The following DNAH7 variants were observed in gnomAD, a reference collection of about 807,000 sequenced individuals.
DNAH7 encodes axonemal beta dynein heavy chain 7.
A neutral mutation model predicts 444.6 loss-of-function variants in DNAH7; 397 were observed. The ratio of observed to expected loss-of-function variants is 0.89; its 90% CI spans 0.82 to 0.97. The LOEUF (loss-of-function observed/expected upper bound fraction) is 0.97, where lower values mean the gene tolerates loss of function less well. DNAH7 is among the 50% of genes least tolerant of loss of function. DNAH7 has a pLI of 0.00. For synonymous variants in DNAH7, 1,636 were observed against 1,624.4 expected, an observed-to-expected ratio of 1.01 and a Z score of -0.17; for missense variants, 4,902 against 4,800.8, an observed-to-expected ratio of 1.02 and a Z score of -0.62.
At chr2:195,942,195 C>A (rs538934708) in intron 19 of DNAH7, among the ~76,000 whole-genome samples, 4 of 151,902 alleles carry the variant, frequency 2.6e-5, no homozygotes, top group African/African-American at 9.7e-5. Context: ...ATAGGATGTT[C>A]GATGTGAGCC....
intron 1 of DNAH7, among the ~76,000 whole-genome samples, chr2:196,060,142 C>A (rs1020614529): frequency 2.6e-5 from 4 of 152,070 alleles, no homozygotes; most frequent in African/African-American, 9.7e-5. Flanking sequence ...GGTGTGAACC[C>A]AGGAGGCAGA....
Position 195,816,818 on chromosome 2 carries a change from C to G in DNAH7, c.9571G>C (p.Glu3191Gln), listed in dbSNP as rs146529976. 379 of 1,614,126 alleles carry G rather than the reference C, an allele frequency of 2.3e-4. No homozygotes were observed. Among genetic ancestry groups the G allele is most frequent in the Admixed American group, 1.5e-3 (93 of 60,016 alleles). Residue 3191 changes from glutamate (E) to glutamine (Q), a missense_variant, in exon 51 of 65, where the codon GAG (glutamate) becomes CAG (glutamine). By Grantham distance (29) the Glu-to-Gln change is conservative (BLOSUM62 2). Transcript: ENST00000312428. ...GTGGTGTCAATCTTTTTCTCTGTCT[C>G]TTCGGCTACTTCCTGCTTCTGAGAA... ...EISQKQEVAE[E>Q]TEKKIDTTRM...
chr2:195,864,807 T>C lies in DNAH7; in HGVS notation c.6848A>G (p.Tyr2283Cys). The change falls in exon 41 of 65, where the codon TAC becomes TGC. Residue 2283 changes from tyrosine to cysteine, a missense_variant. Transcript: ENST00000312428. ...ATTATCCACATCTGCGATTTCTCTG[T>C]AGTTGGTATCCTCCCTCTTGGGATC... ...FHDPKREDTN[Y>C]REIADVDNLR... The C allele has an allele frequency of 6.2e-7, 1 of 1,614,228 alleles. No individual in the cohort carries two copies. Among genetic ancestry groups the C allele is most frequent in the Non-Finnish European group, 8.5e-7 (1 of 1,180,032 alleles).
intron 51 of DNAH7, among the ~76,000 whole-genome samples, chr2:195,812,099 G>A (rs1471144786): frequency 6.6e-6 from 1 of 151,962 alleles, no homozygotes; most frequent in Admixed American, 6.6e-5. Flanking sequence ...CAACTCCTCT[G>A]GCAGTCCCCA....
chr2:195,861,740 T>C lies in DNAH7; in HGVS notation c.7713A>G (p.Lys2571=). The change falls in exon 42 of 65, where the codon AAA becomes AAG. Residue 2571 remains lysine (K), a synonymous_variant. Coordinates refer to ENST00000312428, the MANE Select transcript of DNAH7 (RefSeq NM_018897.3). ...TSYLELISTF[K]LLLEKKRSEV... Reference sequence around the variant, plus strand: ...ACCTTCTTTTCTTTTCTAACAACAGTTTGAAGGTGGAGATTAATTCGAGGT... The same window carrying C: ...ACCTTCTTTTCTTTTCTAACAACAGCTTGAAGGTGGAGATTAATTCGAGGT... 6.2e-7 allele frequency: 1 copy of C among 1,611,914 alleles called. No individual in the cohort carries two copies. Among genetic ancestry groups the C allele is most frequent in the Middle Eastern group, 1.7e-4 (1 of 6,056 alleles).
chr2:196,004,240 C>T (rs945792227), intron 10 of DNAH7, among the ~76,000 whole-genome samples: 2 of 152,132 alleles, frequency 1.3e-5, no homozygotes, highest in African/African-American at 4.8e-5. Context: ...AAAAAGAAAG[C>T]TACCAGAGAC....
At chr2:195,952,393 C>T (rs569110102) in intron 19 of DNAH7, among the ~76,000 whole-genome samples, 5 of 152,164 alleles carry the variant, frequency 3.3e-5, no homozygotes, top group South Asian at 4.2e-4. Flanking sequence ...GTGAATCTGA[C>T]GACTATGTGT....
At chr2:195,914,574 T>C (rs1002011174) in intron 24 of DNAH7, among the ~76,000 whole-genome samples, 4 of 152,260 alleles carry the variant, frequency 2.6e-5, no homozygotes, top group African/African-American at 9.6e-5. Context: ...CATTTGATGC[T>C]TCATAAATAA....
At chr2:195,790,341 G>C (rs1043543250) in intron 57 of DNAH7, among the ~76,000 whole-genome samples, 2 of 151,056 alleles carry the variant, frequency 1.3e-5, no homozygotes, top group Non-Finnish European at 2.9e-5. Context: ...AACTCATAAA[G>C]AACCAAAAAC....
Position 195,888,918 on chromosome 2 carries a change from T to C in DNAH7, c.5110A>G (p.Asn1704Asp), listed in dbSNP as rs1484389536. The change falls in exon 32 of 65, where the codon AAC becomes GAC. Residue 1704 changes from asparagine to aspartate, a missense_variant. Transcript: ENST00000312428. The stretch of plus-strand genomic sequence containing the variant: ...TTCTTGTTGTCATCCAGCACAGTGT[T>C]CATATTCTCAATCCACACTGCATCT... Reference protein sequence around the residue: ...PVDAVWIENMNTVLDDNKKLC... With the variant: ...PVDAVWIENMDTVLDDNKKLC... The C allele has an allele frequency of 1.2e-6, 2 of 1,613,908 alleles. No homozygotes were observed. Among genetic ancestry groups the C allele is most frequent in the Non-Finnish European group, 1.7e-6 (2 of 1,179,962 alleles).
intron 61 of DNAH7, among the ~76,000 whole-genome samples, chr2:195,758,228 T>C (rs147914777): frequency 8.5e-5 from 13 of 152,352 alleles, no homozygotes; most frequent in African/African-American, 3.1e-4. Context: ...ATTGTGTTCA[T>C]TCAACATGAT....
Position 196,068,726 on chromosome 2 carries a change from G to A in DNAH7, c.-15C>T. 2 of 1,551,002 alleles carry A rather than the reference G, an allele frequency of 1.3e-6. No individual in the cohort carries two copies. The highest frequency in any genetic ancestry group is 8.7e-7 in the Non-Finnish European group (1 of 1,147,276). On this transcript the variant is annotated 5_prime_UTR_variant, in exon 1 of 65. Coordinates refer to ENST00000312428, the MANE Select transcript of DNAH7 (RefSeq NM_018897.3). ...TCACTGCTCATGGCTGCGAGGACGC[G>A]CTGGCCTCACCGGTGCTTCTGGGTT...
At chr2:196,008,530 T>C (rs1199744723) in intron 10 of DNAH7, among the ~76,000 whole-genome samples, 5 of 152,220 alleles carry the variant, frequency 3.3e-5, no homozygotes, top group African/African-American at 1.2e-4. Context: ...ACCTGATGAC[T>C]GGATGAATAA....
intron 60 of DNAH7, among the ~76,000 whole-genome samples, chr2:195,773,272 C>T (rs998097714): frequency 7.2e-5 from 11 of 151,830 alleles, no homozygotes; most frequent in Admixed American, 2.0e-4. Flanking sequence ...TCATAGAGAA[C>T]GAAAAGTATT....
At chr2:195,923,009 G>A (rs538213030) in intron 23 of DNAH7, among the ~76,000 whole-genome samples, 6 of 151,994 alleles carry the variant, frequency 3.9e-5, no homozygotes, top group East Asian at 3.9e-4. Flanking sequence ...CTACAAGCAC[G>A]CCCCACCATG....
rs764234060 is a variant in DNAH7 at position 195,816,364 on chromosome 2, T to C, written c.9761+264A>G. On this transcript the variant is annotated intron_variant, in intron 51 of 64. Coordinates refer to ENST00000312428, the MANE Select transcript of DNAH7 (RefSeq NM_018897.3). ...TCCATTCATAAATATATTTTGCAGA[T>C]GAAAAATAAGGTAAACGTTTTCTCT... 2.0e-4 allele frequency among the ~76,000 whole-genome samples: 30 copies of C among 152,218 alleles called. 1 individual carries two copies. The highest frequency in any genetic ancestry group is 8.3e-4 in the South Asian group (4 of 4,828).
intron 54 of DNAH7, among the ~76,000 whole-genome samples, chr2:195,803,003 A>C (rs1000023675): frequency 6.6e-6 from 1 of 152,216 alleles, no homozygotes; most frequent in Non-Finnish European, 1.5e-5. Context: ...AATGTTTCAG[A>C]TATTTTGAAT....
At chr2:195,817,056 C>A (rs568962589) in intron 50 of DNAH7, 93 bp from the exon 51 acceptor site, 1 of 925,272 alleles carries the variant, frequency 1.1e-6, no homozygotes, top group African/African-American at 1.7e-5. Context: ...GAACTTGTAA[C>A]CTAAAGAAAT....
intron 12 of DNAH7, 134 bp from the exon 13 acceptor site, chr2:195,988,363 A>T: frequency 2.6e-6 from 2 of 765,096 alleles, no homozygotes; most frequent in African/African-American, 1.8e-5. Context: ...TTTAACCTCT[A>T]ATCTATAGAA....
Sources: allele counts gnomAD v4.1 joint callset (sites outside exome capture counted in the v4.1 genomes callset), GRCh38; gene constraint gnomAD v4.1.1; transcripts MANE v1.5; gene names NCBI Gene and HGNC (gene_info 2026-07-23, HGNC 2026-07-21).